MCC: variants seen among roughly 807,000 people sequenced by gnomAD.
The protein encoded by MCC is colorectal mutant cancer protein.
Under a neutral mutation model 116.2 loss-of-function variants are expected in MCC, and 90 were observed. The ratio of observed to expected loss-of-function variants is 0.77; its 90% CI spans 0.65 to 0.92. The LOEUF is 0.92. MCC is among the 40% of genes least tolerant of loss of function. The probability of loss-of-function intolerance (pLI) is 0.00; values close to 1 mark genes in which losing one functional copy is unlikely to be tolerated. For missense variants in MCC, 1,516 were observed against 1,312.2 expected (o/e 1.16, Z -2.40); for synonymous variants, 578 against 510.5 (o/e 1.13, Z -1.78).
At chr5:113,445,335 T>C (rs1438155692) in intron 1 of MCC, among the ~76,000 whole-genome samples, 4 of 152,104 alleles carry the variant, frequency 2.6e-5, no homozygotes, top group South Asian at 4.2e-4. Flanking sequence ...ATTCTATACA[T>C]AAAGAATCCT....
At chr5:113,463,948 G>A (rs1032113813) in intron 1 of MCC, among the ~76,000 whole-genome samples, 2 of 152,184 alleles carry the variant, frequency 1.3e-5, no homozygotes, top group African/African-American at 4.8e-5. Flanking sequence ...GAGCCAAAGA[G>A]GTGGGAGAAC....
chr5:113,172,435 T>C (rs914553977), intron 3 of MCC, among the ~76,000 whole-genome samples: 1 of 152,066 alleles, frequency 6.6e-6, no homozygotes, highest in Non-Finnish European at 1.5e-5. Context: ...CAAGTTGCTA[T>C]TTCCTATAGC....
At chr5:113,174,721 C>T (rs1158978856) in intron 3 of MCC, among the ~76,000 whole-genome samples, 2 of 151,570 alleles carry the variant, frequency 1.3e-5, no homozygotes, top group Non-Finnish European at 2.9e-5. Flanking sequence ...ACTAACTCAA[C>T]CTCCCAAGCA....
chr5:113,445,185 C>T (rs1003072711), intron 1 of MCC, among the ~76,000 whole-genome samples: 3 of 152,052 alleles, frequency 2.0e-5, no homozygotes, highest in Admixed American at 1.3e-4. Flanking sequence ...GTTTAGGGCA[C>T]CAGATCTAGG....
intron 1 of MCC, 51 bp from the exon 2 acceptor site, chr5:113,385,263 T>A (rs769200093): frequency 1.3e-5 from 21 of 1,559,844 alleles, no homozygotes; most frequent in Non-Finnish European, 1.8e-5. Context: ...ACATTTAAGC[T>A]AGAGAAACTG....
chr5:113,298,405 T>A (rs1561514239), intron 3 of MCC, among the ~76,000 whole-genome samples: 2 of 152,172 alleles, frequency 1.3e-5, no homozygotes, highest in Non-Finnish European at 1.5e-5. Context: ...TAGATTCCTA[T>A]AAAGCTGAGG....
chr5:113,346,702 T>C (rs1196166134), intron 2 of MCC, among the ~76,000 whole-genome samples: 2 of 151,646 alleles, frequency 1.3e-5, no homozygotes, highest in Non-Finnish European at 2.9e-5. Context: ...GAGAAAGATA[T>C]CAACATTCAA....
chr5:113,159,852 C>T (rs760946315), intron 3 of MCC, among the ~76,000 whole-genome samples: 1 of 152,156 alleles, frequency 6.6e-6, no homozygotes, highest in Non-Finnish European at 1.5e-5. Flanking sequence ...TGCTCATAGT[C>T]TTGAAAGTTA....
At chr5:113,133,375 A>C (rs928635947) in intron 5 of MCC, among the ~76,000 whole-genome samples, 6 of 152,204 alleles carry the variant, frequency 3.9e-5, no homozygotes, top group African/African-American at 1.4e-4. Context: ...CACATGAGTA[A>C]GAACATGCGA....
At position 113,346,951 on chromosome 5, in the gene MCC, A is replaced by C. The variant is rs112196080; in HGVS notation, c.416-6221T>G. ...TTTAAAGTGCTGAAGGAAAAAAAAA[A>C]AAAACCCTTTTACACTAGAATAGTA... On this transcript the variant is annotated intron_variant, in intron 2 of 18. Coordinates refer to ENST00000408903, the MANE Select transcript of MCC (RefSeq NM_001085377.2). Among the ~76,000 whole-genome samples, 425 of 152,198 alleles carry C rather than the reference A, an allele frequency of 2.8e-3. 3 individuals carry two copies. Among genetic ancestry groups the C allele is most frequent in the Middle Eastern group, 0.024 (7 of 294 alleles).
chr5:113,441,413 G>C (rs1771037728), intron 1 of MCC, among the ~76,000 whole-genome samples: 1 of 152,130 alleles, frequency 6.6e-6, no homozygotes, highest in Non-Finnish European at 1.5e-5. Context: ...AACTGGGGTT[G>C]GAAAACATTT....
At chr5:113,450,393 G>C (rs1771357636) in intron 1 of MCC, among the ~76,000 whole-genome samples, 1 of 152,176 alleles carries the variant, frequency 6.6e-6, no homozygotes, top group Non-Finnish European at 1.5e-5. Flanking sequence ...GCCTCGCCTT[G>C]GTGGGGACCC....
intron 3 of MCC, among the ~76,000 whole-genome samples, chr5:113,323,561 T>C (rs1245983538): frequency 2.0e-5 from 3 of 152,166 alleles, no homozygotes; most frequent in African/African-American, 7.2e-5. Flanking sequence ...TATGGGACAG[T>C]GTGGCCAGAG....
chr5:113,033,324 G>A (rs1421263611), intron 17 of MCC, among the ~76,000 whole-genome samples: 1 of 152,196 alleles, frequency 6.6e-6, no homozygotes, highest in East Asian at 1.9e-4. Context: ...ATGAGCTTCA[G>A]TTACTCCTGG....
intron 3 of MCC, among the ~76,000 whole-genome samples, chr5:113,213,448 C>T (rs1008836754): frequency 2.6e-5 from 4 of 152,156 alleles, no homozygotes; most frequent in South Asian, 2.1e-4. Flanking sequence ...TCATGGCTTT[C>T]AGTAAAGGCT....
chr5:113,066,543 C>G (rs940283394), intron 13 of MCC, among the ~76,000 whole-genome samples: 1 of 152,188 alleles, frequency 6.6e-6, no homozygotes, highest in Non-Finnish European at 1.5e-5. Flanking sequence ...TGAAGGTGTG[C>G]TCCTTTGTTG....
At chr5:113,467,858 A>C (rs1190436560) in intron 1 of MCC, among the ~76,000 whole-genome samples, 1 of 152,092 alleles carries the variant, frequency 6.6e-6, no homozygotes, top group Non-Finnish European at 1.5e-5. Context: ...CTTTTATTTC[A>C]TTGAGCAGTG....
At chr5:113,459,693 G>A (rs1185237005) in intron 1 of MCC, among the ~76,000 whole-genome samples, 2 of 152,058 alleles carry the variant, frequency 1.3e-5, no homozygotes, top group African/African-American at 2.4e-5. Flanking sequence ...AACCTCTGTC[G>A]CTGCTCGCCC....
Position 113,036,725 on chromosome 5 carries a change from TTA to T in MCC, c.2756+6803_2756+6804del, listed in dbSNP as rs149857957. The stretch of plus-strand genomic sequence containing the variant: ...TCCAGTGCCCTCTACCACTCTGCCT[TTA>T]TGAGGTCCCAGGCAAGGCCTTCTTC... On this transcript the variant is annotated intron_variant, in intron 17 of 18. Transcript: ENST00000408903. Among the ~76,000 whole-genome samples, 1,282 of 152,304 alleles carry T rather than the reference TTA, an allele frequency of 8.4e-3. 24 individuals are homozygous for T. The highest frequency in any genetic ancestry group is 0.029 in the African/African-American group (1,208 of 41,568).
Sources: gnomAD v4.1 joint callset for allele counts (sites outside exome capture counted in the v4.1 genomes callset) on GRCh38, gnomAD v4.1.1 for gene constraint, MANE v1.5 for transcripts, NCBI Gene and HGNC (gene_info 2026-07-23, HGNC 2026-07-21) for gene names.